The following RIMS1 variants were observed in gnomAD, a reference collection of about 807,000 sequenced individuals.
RIMS1 encodes regulating synaptic membrane exocytosis 1, also known as regulating synaptic membrane exocytosis protein 1.
RIMS1 carries 83 observed loss-of-function variants against 214.1 expected under a neutral mutation model. That is an observed-to-expected ratio of 0.39 (90% CI 0.32 to 0.47). The LOEUF (loss-of-function observed/expected upper bound fraction) is 0.47, where lower values mean the gene tolerates loss of function less well. Among genes scored for constraint, RIMS1 ranks in the 20% least tolerant of loss-of-function variants. RIMS1 has a pLI of 0.99. For missense variants in RIMS1, 2,050 were observed against 2,161.8 expected, an observed-to-expected ratio of 0.95 and a Z score of 1.03; for synonymous variants, 793 against 786.8, an observed-to-expected ratio of 1.01 and a Z score of -0.13.
intron 1 of RIMS1, among the ~76,000 whole-genome samples, chr6:71,931,550 G>GCC (rs1783047167): frequency 6.6e-6 from 1 of 151,836 alleles, no homozygotes; most frequent in Non-Finnish European, 1.5e-5. Flanking sequence ...AAGGTCTTTT[G>GCC]AAAAGTGTCT....
intron 1 of RIMS1, among the ~76,000 whole-genome samples, chr6:71,935,866 G>C (rs1056903603): frequency 7.9e-5 from 12 of 152,148 alleles, no homozygotes; most frequent in Non-Finnish European, 1.6e-4. Flanking sequence ...AAATTTTCCT[G>C]AAGTAATCTT....
chr6:72,392,232 C>A (rs1023100661), intron 30 of RIMS1, among the ~76,000 whole-genome samples: 2 of 152,170 alleles, frequency 1.3e-5, no homozygotes, highest in African/African-American at 4.8e-5. Flanking sequence ...ATAAAAGTCT[C>A]AAATAATTCA....
intron 6 of RIMS1, among the ~76,000 whole-genome samples, chr6:72,189,206 G>C (rs774170598): frequency 7.2e-5 from 11 of 152,166 alleles, no homozygotes; most frequent in Non-Finnish European, 1.6e-4. Flanking sequence ...AGCATACACA[G>C]CCCTCTGGAG....
intron 6 of RIMS1, among the ~76,000 whole-genome samples, chr6:72,205,296 T>C (rs1375156139): frequency 6.6e-6 from 1 of 152,096 alleles, no homozygotes; most frequent in African/African-American, 2.4e-5. Flanking sequence ...ATCAATAACA[T>C]CAATAATAAT....
intron 6 of RIMS1, among the ~76,000 whole-genome samples, chr6:72,209,048 T>C (rs772429008): frequency 2.0e-5 from 3 of 152,190 alleles, no homozygotes; most frequent in Non-Finnish European, 4.4e-5. Flanking sequence ...AACATGCTTT[T>C]CCTTTAACAC....
At chr6:72,078,240 C>T (rs1054486074) in intron 2 of RIMS1, among the ~76,000 whole-genome samples, 2 of 152,156 alleles carry the variant, frequency 1.3e-5, no homozygotes, top group Non-Finnish European at 1.5e-5. Flanking sequence ...CAGCAGGTTG[C>T]ACACAGTGAC....
At chr6:72,245,774 A>C in intron 10 of RIMS1, 41 bp from the exon 11 acceptor site, 1 of 1,531,802 alleles carries the variant, frequency 6.5e-7, no homozygotes, top group Non-Finnish European at 9.0e-7. Context: ...AGGCAGGGTC[A>C]TTTAACTAAT....
At chr6:72,018,664 G>A (rs147336576) in intron 2 of RIMS1, among the ~76,000 whole-genome samples, 28 of 152,246 alleles carry the variant, frequency 1.8e-4, no homozygotes, top group African/African-American at 6.5e-4. Context: ...TGAGCCGTGG[G>A]ACATTTCTCC....
At chr6:72,061,244 T>C (rs1008649777) in intron 2 of RIMS1, among the ~76,000 whole-genome samples, 1 of 152,218 alleles carries the variant, frequency 6.6e-6, no homozygotes, top group Non-Finnish European at 1.5e-5. Context: ...GACATTATAA[T>C]ACTATCATAT....
At chr6:72,065,353 A>G (rs17780507) in intron 2 of RIMS1, among the ~76,000 whole-genome samples, 8,959 of 152,264 alleles carry the variant, frequency 0.059, 362 homozygotes, top group Middle Eastern at 0.099. Flanking sequence ...TGCTGAAGAC[A>G]TGTATGAAAG....
At chr6:72,049,305 C>T (rs1823956442) in intron 2 of RIMS1, among the ~76,000 whole-genome samples, 1 of 151,880 alleles carries the variant, frequency 6.6e-6, no homozygotes, top group African/African-American at 2.4e-5. Flanking sequence ...GAATGAACTT[C>T]CAGAGTTCAG....
intron 6 of RIMS1, among the ~76,000 whole-genome samples, chr6:72,210,758 G>A (rs766394747): frequency 1.4e-4 from 22 of 152,182 alleles, no homozygotes; most frequent in African/African-American, 3.4e-4. Context: ...CCTAAGCCTC[G>A]GTTTCCTCAT....
At chr6:72,036,694 A>G (rs1044207089) in intron 2 of RIMS1, among the ~76,000 whole-genome samples, 1 of 152,216 alleles carries the variant, frequency 6.6e-6, no homozygotes, top group Non-Finnish European at 1.5e-5. Flanking sequence ...TGTGCATGAC[A>G]TATAGTAGGT....
At chr6:71,959,671 G>C (rs1792340294) in intron 1 of RIMS1, among the ~76,000 whole-genome samples, 1 of 151,498 alleles carries the variant, frequency 6.6e-6, no homozygotes, top group African/African-American at 2.4e-5. Context: ...TTACAACGTT[G>C]CAATATGGGA....
At chr6:71,912,559 G>A (rs986125881) in intron 1 of RIMS1, among the ~76,000 whole-genome samples, 8 of 152,008 alleles carry the variant, frequency 5.3e-5, no homozygotes, top group Admixed American at 1.3e-4. Context: ...ATGTCATTGC[G>A]TTATTCTTAA....
In RIMS1 at chr6:72,153,676, C is replaced by T. The variant is rs182858839; in HGVS notation, c.472-25899C>T. On this transcript the variant is annotated intron_variant, in intron 4 of 33. Coordinates refer to ENST00000521978, the MANE Select transcript of RIMS1 (RefSeq NM_014989.7). ...TCAAACAAAGCTTGTGCACTTACTG[C>T]GCTAAGGGATAATATTCCAGAGGAA... Among the ~76,000 whole-genome samples, 404 of 152,158 alleles carry T rather than the reference C, an allele frequency of 2.7e-3. 1 individual carries two copies. Among genetic ancestry groups the T allele is most frequent in the African/African-American group, 8.3e-3 (345 of 41,514 alleles).
chr6:72,363,174 G>A (rs1280738749), intron 29 of RIMS1, among the ~76,000 whole-genome samples: 1 of 152,060 alleles, frequency 6.6e-6, no homozygotes, highest in Non-Finnish European at 1.5e-5. Flanking sequence ...GTAGTGCAAG[G>A]GAAAGAAGAG....
intron 26 of RIMS1, among the ~76,000 whole-genome samples, chr6:72,294,111 T>C (rs2093777714): frequency 6.6e-6 from 1 of 151,676 alleles, no homozygotes; most frequent in Non-Finnish European, 1.5e-5. Flanking sequence ...TTAGGACTTT[T>C]GGTAAATGAT....
chr6:72,055,947 A>G (rs890178884), intron 2 of RIMS1, among the ~76,000 whole-genome samples: 1 of 152,218 alleles, frequency 6.6e-6, no homozygotes, highest in African/African-American at 2.4e-5. Flanking sequence ...GTTCTACCAT[A>G]AAGACACATG....
Sources: allele counts gnomAD v4.1 joint callset (sites outside exome capture counted in the v4.1 genomes callset), GRCh38; gene constraint gnomAD v4.1.1; transcripts MANE v1.5; gene names NCBI Gene and HGNC (gene_info 2026-07-23, HGNC 2026-07-21).